NRAP: variants seen among roughly 807,000 people sequenced by gnomAD.
The protein encoded by NRAP is nebulin-related-anchoring protein.
NRAP carries 189 observed loss-of-function variants against 225.9 expected under a neutral mutation model. The ratio of observed to expected loss-of-function variants is 0.84; its 90% CI spans 0.74 to 0.94. The LOEUF is 0.94. Among genes scored for constraint, NRAP ranks in the 40% least tolerant of loss-of-function variants. The pLI is 0.00. For missense variants in NRAP, 2,176 were observed against 2,168.7 expected, an observed-to-expected ratio of 1.00 and a Z score of -0.07; for synonymous variants, 769 against 790.7, an observed-to-expected ratio of 0.97 and a Z score of 0.46.
Position 113,641,335 on chromosome 10 carries a change from C to T in NRAP, c.1323+30G>A, listed in dbSNP as rs770485931. Reference sequence around the variant, plus strand: ...TTCTTCATGCCCTGCCCCACTCCATCCCAACAGACCCTGGCATAAAAGGAC... The same window carrying T: ...TTCTTCATGCCCTGCCCCACTCCATTCCAACAGACCCTGGCATAAAAGGAC... On this transcript the variant is annotated intron_variant, in intron 13 of 41. Coordinates refer to ENST00000359988, the MANE Select transcript of NRAP (RefSeq NM_198060.4). The T allele has an allele frequency of 2.2e-6, 3 of 1,390,634 alleles. No individual in the cohort carries two copies. In the African/African-American group the frequency reaches 4.3e-5, roughly 20 times the overall value. 86.1% of individuals were successfully genotyped at this position (1,390,634 alleles called of 1,614,324 possible).
At chr10:113,601,092 G>C (rs1564701259) in intron 35 of NRAP, among the ~76,000 whole-genome samples, 1 of 152,214 alleles carries the variant, frequency 6.6e-6, no homozygotes, top group Non-Finnish European at 1.5e-5. Flanking sequence ...TGAGAAGCAC[G>C]GAAGAGATGA....
At chr10:113,631,993 A>G in intron 16 of NRAP, 29 bp from the exon 17 acceptor site, 1 of 1,346,170 alleles carries the variant, frequency 7.4e-7, no homozygotes, top group African/African-American at 1.4e-5. Context: ...AGTGAATAGG[A>G]GTTGCTACCC....
intron 5 of NRAP, among the ~76,000 whole-genome samples, chr10:113,653,248 C>T (rs1850095128): frequency 6.6e-6 from 1 of 152,168 alleles, no homozygotes; most frequent in African/African-American, 2.4e-5. Context: ...CAAAGGGGCT[C>T]CTCTTCAATG....
intron 25 of NRAP, among the ~76,000 whole-genome samples, chr10:113,619,391 A>G (rs1847860202): frequency 2.0e-5 from 3 of 152,126 alleles, no homozygotes; most frequent in Non-Finnish European, 4.4e-5. Flanking sequence ...AAATTATAGC[A>G]GTGCTATCCC....
chr10:113,598,388 G>A (rs1846410721), intron 35 of NRAP, among the ~76,000 whole-genome samples: 1 of 151,310 alleles, frequency 6.6e-6, no homozygotes, highest in Non-Finnish European at 1.5e-5. Context: ...TCATATCTAA[G>A]CACCAGCTGG....
chr10:113,660,880 C>G (rs1850631507), intron 3 of NRAP, among the ~76,000 whole-genome samples: 2 of 152,112 alleles, frequency 1.3e-5, no homozygotes, highest in Admixed American at 1.3e-4. Flanking sequence ...TGGATTTGTG[C>G]CCAACCAGCT....
At position 113,643,006 on chromosome 10, in the gene NRAP, T is replaced by A. The variant is rs766751466; in HGVS notation, c.1143A>T (p.Arg381Ser). ...TTTCACAGTAGTTGATACTGTGACCTCTACTACTTTCCAGATCCTTCTTAT... is the reference window on the plus strand; with the variant it reads ...TTTCACAGTAGTTGATACTGTGACCACTACTACTTTCCAGATCCTTCTTAT... ...VEYKKDLESS[R>S]GHSINYCETP... The change falls in exon 12 of 42, where the codon AGA becomes AGT. Residue 381 changes from arginine (R) to serine (S), a missense_variant. Arg to Ser is a moderately radical substitution (Grantham distance 110, BLOSUM62 -1). Coordinates refer to ENST00000359988, the MANE Select transcript of NRAP (RefSeq NM_198060.4). The A allele has an allele frequency of 1.3e-6, 2 of 1,596,334 alleles. No individual in the cohort carries two copies. The highest frequency in any genetic ancestry group is 1.7e-6 in the Non-Finnish European group (2 of 1,163,726).
chr10:113,641,598 C>A, intron 12 of NRAP, 126 bp from the exon 13 acceptor site: 4 of 599,222 alleles, frequency 6.7e-6, no homozygotes, highest in Non-Finnish European at 1.2e-5. Context: ...AAATAGTCAA[C>A]GTATCACAGA....
chr10:113,632,081 G>A, intron 16 of NRAP, 117 bp from the exon 17 acceptor site: 1 of 686,978 alleles, frequency 1.5e-6, no homozygotes, highest in South Asian at 1.7e-5. Context: ...AGGCTCGGCT[G>A]TTGTTATCAA....
At chr10:113,605,502 C>G (rs978143497) in intron 34 of NRAP, among the ~76,000 whole-genome samples, 2 of 152,222 alleles carry the variant, frequency 1.3e-5, no homozygotes, top group East Asian at 3.8e-4. Context: ...ACAAGGGGAC[C>G]GTCGCCTAGA....
intron 35 of NRAP, among the ~76,000 whole-genome samples, chr10:113,603,579 A>G (rs1846739220): frequency 6.6e-6 from 1 of 152,144 alleles, no homozygotes; most frequent in Non-Finnish European, 1.5e-5. Context: ...GCAGTCAGTG[A>G]GAGTCGGCGG....
chr10:113,610,087 C>T (rs753802998), intron 31 of NRAP, among the ~76,000 whole-genome samples: 3 of 152,028 alleles, frequency 2.0e-5, no homozygotes, highest in African/African-American at 4.8e-5. Context: ...CAGTGGCTCA[C>T]GCCTGTAATC....
intron 23 of NRAP, among the ~76,000 whole-genome samples, chr10:113,623,110 T>C (rs529196723): frequency 6.6e-6 from 1 of 152,318 alleles, no homozygotes; most frequent in East Asian, 1.9e-4. Context: ...ATTTTTAAAG[T>C]TTAAACAATC....
At chr10:113,631,417 A>G (rs1247486180) in intron 18 of NRAP, 92 bp downstream of exon 18, 1 of 692,342 alleles carries the variant, frequency 1.4e-6, no homozygotes, top group Non-Finnish European at 2.5e-6. Flanking sequence ...AAGTCAATAA[A>G]AAGGTTACAG....
At chr10:113,632,133 G>A (rs961986860) in intron 16 of NRAP, among the ~76,000 whole-genome samples, 169 bp from the exon 17 acceptor site, 16 of 152,078 alleles carry the variant, frequency 1.1e-4, no homozygotes, top group African/African-American at 2.9e-4. Context: ...TGATTCCTTC[G>A]CTGTAGAGCT....
intron 4 of NRAP, among the ~76,000 whole-genome samples, chr10:113,657,162 G>A (rs530494369): frequency 5.9e-5 from 9 of 152,104 alleles, no homozygotes; most frequent in African/African-American, 1.9e-4. Context: ...AGATCAGAAC[G>A]GGGAGAGTGG....
At chr10:113,629,170 G>T in intron 19 of NRAP, 149 bp from the exon 20 acceptor site, 1 of 681,150 alleles carries the variant, frequency 1.5e-6, no homozygotes, top group Non-Finnish European at 2.6e-6. Flanking sequence ...ATCTCCACTT[G>T]GGAGGTACAG....
At chr10:113,630,657 C>A (rs1407403109) in intron 18 of NRAP, among the ~76,000 whole-genome samples, 1 of 152,210 alleles carries the variant, frequency 6.6e-6, no homozygotes, top group Admixed American at 6.5e-5. Context: ...ATATGAAACA[C>A]CAATGTGTTC....
chr10:113,621,862 A>C lies in NRAP; in HGVS notation c.2769+7T>G. 6.2e-7 allele frequency: 1 copy of C among 1,600,026 alleles called. No homozygotes were observed. The highest frequency in any genetic ancestry group is 8.5e-7 in the Non-Finnish European group (1 of 1,170,576). On this transcript the variant is annotated splice_region_variant and intron_variant, in intron 24 of 41. Coordinates refer to ENST00000359988, the MANE Select transcript of NRAP (RefSeq NM_198060.4). ...CACACAAGTGCACACACTCACACAG[A>C]GCTTACATCACTCTGTAAGCCATAA...
Sources: allele counts gnomAD v4.1 joint callset (sites outside exome capture counted in the v4.1 genomes callset), GRCh38; gene constraint gnomAD v4.1.1; transcripts MANE v1.5; gene names NCBI Gene and HGNC (gene_info 2026-07-23, HGNC 2026-07-21).